The following ATP2B2 variants were observed in gnomAD, a reference collection of about 807,000 sequenced individuals.
The protein encoded by ATP2B2 is plasma membrane calcium-transporting ATPase 2.
In ATP2B2, 15 loss-of-function variants were observed where a neutral mutation model predicts 120.0. The observed-to-expected ratio is 0.12, with a 90% CI of 0.08 to 0.19. The LOEUF is 0.19. Among genes scored for constraint, ATP2B2 ranks in the 10% least tolerant of loss-of-function variants. The probability of loss-of-function intolerance (pLI) is 1.00; values close to 1 mark genes in which losing one functional copy is unlikely to be tolerated. For synonymous variants in ATP2B2, 694 were observed against 700.3 expected (o/e 0.99, Z 0.14); for missense variants, 1,045 against 1,719.8 (o/e 0.61, Z 6.94).
At chr3:10,531,715 T>A (rs1313138633) in intron 3 of ATP2B2, among the ~76,000 whole-genome samples, 1 of 152,112 alleles carries the variant, frequency 6.6e-6, no homozygotes, top group Non-Finnish European at 1.5e-5. Context: ...TTCTGTGAAA[T>A]GAGGATAACA....
intron 1 of ATP2B2, among the ~76,000 whole-genome samples, chr3:10,666,588 G>A (rs2070944526): frequency 6.6e-6 from 1 of 152,192 alleles, no homozygotes; most frequent in Non-Finnish European, 1.5e-5. Context: ...GTTCAGTAAG[G>A]GATTTCTATG....
At chr3:10,621,094 C>T (rs1323737083) in intron 1 of ATP2B2, among the ~76,000 whole-genome samples, 1 of 152,210 alleles carries the variant, frequency 6.6e-6, no homozygotes, top group Non-Finnish European at 1.5e-5. Context: ...CTGGCCTGAG[C>T]CTGAGCTTTT....
At chr3:10,564,313 T>C (rs1339950170) in intron 2 of ATP2B2, among the ~76,000 whole-genome samples, 1 of 152,154 alleles carries the variant, frequency 6.6e-6, no homozygotes, top group African/African-American at 2.4e-5. Flanking sequence ...CTGCATTAAA[T>C]TTCTTCTGTT....
chr3:10,625,056 A>G (rs558705145), intron 1 of ATP2B2, among the ~76,000 whole-genome samples: 1 of 152,202 alleles, frequency 6.6e-6, no homozygotes, highest in South Asian at 2.1e-4. Context: ...AAATGGAACA[A>G]TTTTTCGAGT....
Position 10,325,867 on chromosome 3 carries a change from G to A in ATP2B2, c.*2947C>T, listed in dbSNP as rs1476868317. The A allele has an allele frequency of 6.6e-6, 1 of 152,184 alleles. No individual in the cohort carries two copies. The highest frequency in any genetic ancestry group is 2.4e-5 in the African/African-American group (1 of 41,426). The allele number at this position is 152,184 out of a possible 1,614,324, so 9.4% of individuals were successfully genotyped here. On this transcript the variant is annotated 3_prime_UTR_variant, in exon 23 of 23. Coordinates refer to ENST00000360273, the MANE Select transcript of ATP2B2 (RefSeq NM_001001331.4). ...GAACCAAATCTGCCACTTACTCCTGGAGCCCTTGTCTAGAGGACAGAAAAG... is the reference window on the plus strand; with the variant it reads ...GAACCAAATCTGCCACTTACTCCTGAAGCCCTTGTCTAGAGGACAGAAAAG...
chr3:10,362,276 G>A (rs1204490233), intron 12 of ATP2B2, among the ~76,000 whole-genome samples: 1 of 152,242 alleles, frequency 6.6e-6, no homozygotes, highest in African/African-American at 2.4e-5. Flanking sequence ...TCAGGAAGAT[G>A]TCAGCATGGA....
At chr3:10,694,587 C>T (rs187898629) in intron 1 of ATP2B2, among the ~76,000 whole-genome samples, 8 of 152,264 alleles carry the variant, frequency 5.3e-5, no homozygotes, top group African/African-American at 1.7e-4. Context: ...TGCTGAATTG[C>T]CCTCAATGGG....
chr3:10,664,028 C>T (rs544188495), intron 1 of ATP2B2, among the ~76,000 whole-genome samples: 7 of 152,244 alleles, frequency 4.6e-5, no homozygotes, highest in South Asian at 2.1e-4. Flanking sequence ...CAAGTGGCCT[C>T]GTTGACTGCT....
At chr3:10,607,065 C>T (rs1575550788) in intron 2 of ATP2B2, among the ~76,000 whole-genome samples, 1 of 152,144 alleles carries the variant, frequency 6.6e-6, no homozygotes, top group African/African-American at 2.4e-5. Flanking sequence ...TTTGGCAACT[C>T]AGGTATGAAT....
rs1491193710 is a variant in ATP2B2, at chr3:10,634,003, CAA to C, written c.-459-14044_-459-14043del. On this transcript the variant is annotated intron_variant, in intron 1 of 21. Coordinates refer to the ATP2B2 transcript ENST00000646379. Reference sequence around the variant, plus strand: ...AGAATGCCCCACCGCCCAACCCGATCAAGAGAGAGAGAGATGCACAAGGAGAA... The same window carrying C: ...AGAATGCCCCACCGCCCAACCCGATCGAGAGAGAGAGATGCACAAGGAGAA... 1.7e-3 allele frequency among the ~76,000 whole-genome samples: 265 copies of C among 151,962 alleles called. 2 individuals carry two copies. The highest frequency in any genetic ancestry group is 1.5e-3 in the Non-Finnish European group (103 of 67,944).
intron 5 of ATP2B2, among the ~76,000 whole-genome samples, chr3:10,392,864 T>G: frequency 6.6e-6 from 1 of 152,226 alleles, no homozygotes; most frequent in East Asian, 1.9e-4. Flanking sequence ...TCAGCAATAG[T>G]GTCTTGACAC....
At chr3:10,538,325 G>A (rs2067362479) in intron 2 of ATP2B2, among the ~76,000 whole-genome samples, 1 of 152,098 alleles carries the variant, frequency 6.6e-6, no homozygotes, top group Non-Finnish European at 1.5e-5. Flanking sequence ...CATTCCTTCT[G>A]AAAATATTCC....
In ATP2B2 at chr3:10,673,662, T is replaced by TCCACA. The variant is rs1367196156; in HGVS notation, c.-460+34252_-460+34253insTGTGG. Among the ~76,000 whole-genome samples, 24 of 151,004 alleles carry TCCACA rather than the reference T, an allele frequency of 1.6e-4. No individual in the cohort carries two copies. In the East Asian group the frequency reaches 4.3e-3, roughly 27 times the overall value. ...CAAAAATAGAAACAAATTAGCCAGG[T>TCCACA]GTGGTGGCATGTACCTGTAGCCCCA... is the stretch of plus-strand genomic sequence containing the variant. On this transcript the variant is annotated intron_variant, in intron 1 of 21. Coordinates refer to the ATP2B2 transcript ENST00000646379.
intron 3 of ATP2B2, among the ~76,000 whole-genome samples, chr3:10,409,209 A>C (rs1291164670): frequency 6.6e-6 from 1 of 152,228 alleles, no homozygotes; most frequent in Non-Finnish European, 1.5e-5. Flanking sequence ...AACTTCTTCA[A>C]AGAAGGCTGC....
At position 10,471,364 on chromosome 3, in the gene ATP2B2, C is replaced by CTGAGTGTGTGTGTGTG. The variant is rs1221371075; in HGVS notation, c.-319-21503_-319-21502insCACACACACACACTCA. ...TGGTTTTAAAAGGGGTTCAGGAAAC[C>CTGAGTGTGTGTGTGTG]TGTGTGTGTGTGTGTGTGTGTGTGT... is the stretch of plus-strand genomic sequence containing the variant. On this transcript the variant is annotated intron_variant, in intron 1 of 22. Transcript: ENST00000360273. 3.4e-3 allele frequency among the ~76,000 whole-genome samples: 506 copies of CTGAGTGTGTGTGTGTG among 150,464 alleles called. 5 individuals are homozygous for CTGAGTGTGTGTGTGTG. The highest frequency in any genetic ancestry group is 6.7e-3 in the African/African-American group (275 of 41,020).
At chr3:10,685,546 G>A (rs953697113) in intron 1 of ATP2B2, among the ~76,000 whole-genome samples, 7 of 152,072 alleles carry the variant, frequency 4.6e-5, no homozygotes, top group South Asian at 4.1e-4. Context: ...GTGTGTGCAC[G>A]TATACCCCTG....
Position 10,347,688 on chromosome 3 carries a change from G to T in ATP2B2, c.2405-1551C>A, listed in dbSNP as rs1324486699. 1.3e-5 allele frequency among the ~76,000 whole-genome samples: 2 copies of T among 152,192 alleles called. No homozygotes were observed. The highest frequency in any genetic ancestry group is 4.8e-5 in the African/African-American group (2 of 41,450). On this transcript the variant is annotated intron_variant, in intron 16 of 22. Transcript: ENST00000360273. This position sits in a 1 kb window ranked among gnomAD's most constrained non-coding sequence, Gnocchi z 5.2. ...CCATAGTTCCCTCAGTCAGCCTGGG[G>T]GCTCCTCCAAGGCAGGGACGGGTCA...
intron 1 of ATP2B2, among the ~76,000 whole-genome samples, chr3:10,644,708 A>G (rs1433660307): frequency 6.6e-6 from 1 of 152,230 alleles, no homozygotes; most frequent in Non-Finnish European, 1.5e-5. Flanking sequence ...CCGCAGAGAC[A>G]GAATGAGGAT....
intron 1 of ATP2B2, among the ~76,000 whole-genome samples, chr3:10,675,538 C>T (rs2125696580): frequency 6.6e-6 from 1 of 152,258 alleles, no homozygotes; most frequent in East Asian, 1.9e-4. Context: ...TCCTGGCGCC[C>T]CCATCAACAG....
Sources: allele counts gnomAD v4.1 joint callset (sites outside exome capture counted in the v4.1 genomes callset), GRCh38; gene constraint gnomAD v4.1.1; non-coding constraint Gnocchi (gnomAD v3.1); transcripts MANE v1.5; gene names NCBI Gene and HGNC (gene_info 2026-07-23, HGNC 2026-07-21).